The following TTC12 variants were observed in gnomAD, a reference collection of about 807,000 sequenced individuals.
The protein encoded by TTC12 is tetratricopeptide repeat domain 12.
TTC12 carries 70 observed loss-of-function variants against 90.1 expected under a neutral mutation model. That is an observed-to-expected ratio of 0.78 (90% confidence interval 0.64 to 0.95). The LOEUF (loss-of-function observed/expected upper bound fraction) is 0.95. Ranked by LOEUF, TTC12 falls within the 40% of genes least tolerant of loss-of-function variation. TTC12 has a pLI of 0.00. For synonymous variants in TTC12, 296 were observed against 311.5 expected, an observed-to-expected ratio of 0.95 and a Z score of 0.53; for missense variants, 819 against 846.1, an observed-to-expected ratio of 0.97 and a Z score of 0.40.
chr11:113,329,994 C>A lies in TTC12; in HGVS notation c.504+15C>A. 6.2e-7 allele frequency: 1 copy of A among 1,602,976 alleles called. No individual in the cohort carries two copies. The highest frequency in any genetic ancestry group is 1.1e-5 in the South Asian group (1 of 90,858). ...GGGCTCTCAAGGTAAGAGGGTATTTCTTTTCCCACATGATAGTGTTGGGCT... is the reference window on the plus strand; with the variant it reads ...GGGCTCTCAAGGTAAGAGGGTATTTATTTTCCCACATGATAGTGTTGGGCT... On this transcript the variant is annotated intron_variant, in intron 7 of 21. Transcript: ENST00000529221.
chr11:113,322,558 T>G (rs1252378995), intron 2 of TTC12, among the ~76,000 whole-genome samples: 1 of 152,182 alleles, frequency 6.6e-6, no homozygotes, highest in Non-Finnish European at 1.5e-5. Flanking sequence ...GATTGCAAAC[T>G]GTTAAAAGTC....
intron 8 of TTC12, among the ~76,000 whole-genome samples, chr11:113,338,391 A>T (rs1282583751): frequency 2.0e-5 from 3 of 152,046 alleles, no homozygotes; most frequent in African/African-American, 7.2e-5. Flanking sequence ...CTCTAGCTTC[A>T]TTTATTTCCT....
intron 6 of TTC12, 25 bp downstream of exon 6, chr11:113,325,670 T>C (rs565727071): frequency 6.2e-7 from 1 of 1,610,734 alleles, no homozygotes; most frequent in Admixed American, 1.7e-5. Flanking sequence ...GATGTATCCA[T>C]GGGGCTTTCT....
At chr11:113,359,263 G>C in intron 16 of TTC12, 100 bp from the exon 17 acceptor site, 1 of 715,720 alleles carries the variant, frequency 1.4e-6, no homozygotes, top group Non-Finnish European at 2.5e-6. Context: ...TGGCAATTTA[G>C]GGAGTGTGGG....
intron 10 of TTC12, 65 bp from the exon 11 acceptor site, chr11:113,340,599 G>A: frequency 8.2e-7 from 1 of 1,218,204 alleles, no homozygotes; most frequent in Non-Finnish European, 1.2e-6. Flanking sequence ...AGGTGGCTGT[G>A]TTGCAGCGAG....
rs925197617 is a variant in TTC12, at chr11:113,371,391, G to A, written c.*121-1733G>A. 5 of 152,142 alleles carry A rather than the reference G, an allele frequency of 3.3e-5. No individual in the cohort carries two copies. The East Asian group carries it at 9.6e-4, about 29-fold the overall frequency. The allele number at this position is 152,142 out of a possible 1,614,324, so 9.4% of individuals were successfully genotyped here. Reference sequence around the variant, plus strand: ...ATTTGTATTATTTTTTATTGTTGGAGTGTTATTTTTATTGTTTTTTCCCCA... The same window carrying A: ...ATTTGTATTATTTTTTATTGTTGGAATGTTATTTTTATTGTTTTTTCCCCA... On this transcript the variant is annotated intron_variant, in intron 21 of 21. Transcript: ENST00000314756.
chr11:113,329,985 A>T lies in TTC12; in HGVS notation c.504+6A>T, dbSNP rs1565582817. ...ATTGTGAGTGGGCTCTCAAGGTAAG[A>T]GGGTATTTCTTTTCCCACATGATAG... is the stretch of plus-strand genomic sequence containing the variant. On this transcript the variant is annotated splice_donor_region_variant and intron_variant, in intron 7 of 21. Transcript: ENST00000529221. 1.2e-6 allele frequency: 2 copies of T among 1,611,234 alleles called. No individual in the cohort carries two copies. Among genetic ancestry groups the T allele is most frequent in the Non-Finnish European group, 1.7e-6 (2 of 1,177,348 alleles).
downstream of TTC12, chr11:113,368,647 A>G: frequency 1.3e-6 from 1 of 742,322 alleles, no homozygotes; most frequent in Admixed American, 2.2e-5. Context: ...GTGCGCCGCA[A>G]GGTGGGACTG....
intron 2 of TTC12, among the ~76,000 whole-genome samples, chr11:113,321,418 A>T (rs1947330201): frequency 6.6e-6 from 1 of 152,232 alleles, no homozygotes; most frequent in East Asian, 1.9e-4. Flanking sequence ...CCACCTGGCT[A>T]TCAATAAGAG....
At chr11:113,368,762 T>A (rs1269453081), downstream of TTC12, 3 of 509,130 alleles carry the variant, frequency 5.9e-6, no homozygotes, top group African/African-American at 5.7e-5. Context: ...AATAAGAGCT[T>A]CTTGGCTTGG....
rs142186473 is a variant in TTC12 at position 113,324,603 on chromosome 11, A to G, written c.245-2A>G. 260 of 1,613,130 alleles carry G rather than the reference A, an allele frequency of 1.6e-4. No homozygotes were observed. Among genetic ancestry groups the G allele is most frequent in the Non-Finnish European group, 2.1e-4 (249 of 1,179,606 alleles). On this transcript the variant is annotated splice_acceptor_variant, in intron 4 of 21. Coordinates refer to ENST00000529221, the MANE Select transcript of TTC12 (RefSeq NM_017868.4). LOFTEE classifies it high-confidence loss of function. ...TAATATCTGAAATTACCCTGCTGTC[A>G]GAGGCCTTCTTGGCATCTGTGGAGA...
At chr11:113,337,421 T>C (rs191849016) in intron 8 of TTC12, among the ~76,000 whole-genome samples, 226 of 152,280 alleles carry the variant, frequency 1.5e-3, no homozygotes, top group African/African-American at 5.2e-3. Context: ...TGGTTTTATA[T>C]AGAGGGGTAA....
chr11:113,366,209 G>T lies in TTC12; in HGVS notation c.2043-16G>T. ...GTGGCACTTATGCCCTGGGTTGTTT[G>T]TTTTGATTGTGACAGATTTGCTGCT... is the stretch of plus-strand genomic sequence containing the variant. On this transcript the variant is annotated splice_polypyrimidine_tract_variant and intron_variant, in intron 21 of 21. Coordinates refer to ENST00000529221, the MANE Select transcript of TTC12 (RefSeq NM_017868.4). The T allele has an allele frequency of 6.2e-7, 1 of 1,611,988 alleles. No homozygotes were observed.
At chr11:113,362,576 G>A in intron 19 of TTC12, 74 bp downstream of exon 19, 1 of 1,064,656 alleles carries the variant, frequency 9.4e-7, no homozygotes, top group Non-Finnish European at 1.4e-6. Flanking sequence ...ACAGAATTAA[G>A]GTGGGCTTTG....
chr11:113,318,245 C>T (rs1555136649), intron 2 of TTC12, among the ~76,000 whole-genome samples: 1 of 152,206 alleles, frequency 6.6e-6, no homozygotes, highest in African/African-American at 2.4e-5. Flanking sequence ...CAGAGAATTA[C>T]AAAGTGTAGG....
intron 11 of TTC12, 76 bp downstream of exon 11, chr11:113,340,809 C>A: frequency 7.9e-7 from 1 of 1,259,240 alleles, no homozygotes; most frequent in Non-Finnish European, 1.2e-6. Context: ...AGACACGAGG[C>A]ACATAGACAG....
intron 13 of TTC12, among the ~76,000 whole-genome samples, chr11:113,346,036 C>T (rs973262277): frequency 1.3e-5 from 2 of 152,110 alleles, no homozygotes; most frequent in Non-Finnish European, 2.9e-5. Flanking sequence ...TGTGATGAAA[C>T]GAGGCAGTTT....
chr11:113,357,803 C>T (rs969497384), intron 16 of TTC12, among the ~76,000 whole-genome samples: 1 of 152,218 alleles, frequency 6.6e-6, no homozygotes, highest in Admixed American at 6.5e-5. Flanking sequence ...ATACACTTTA[C>T]TGGGGGAGCC....
In TTC12 at chr11:113,362,499, G is replaced by T. The variant is rs144336451; in HGVS notation, c.1713G>T (p.Leu571=). The T allele has an allele frequency of 2.9e-5, 46 of 1,602,250 alleles. No homozygotes were observed. The African/African-American group carries it at 5.3e-4, about 19-fold the overall frequency. Residue 571 remains leucine (L), a synonymous_variant, in exon 19 of 22, where the codon CTG becomes CTT. Coordinates refer to ENST00000529221, the MANE Select transcript of TTC12 (RefSeq NM_017868.4). ...AGVVKKMMKF[L]KTGGETASRY... is the part of the protein sequence containing the mutation. ...TGGTAAAGAAAATGATGAAATTCCT[G>T]AAGGTAAGATCACTTTATTGGTTAC...
Sources: gnomAD v4.1 joint callset for allele counts (sites outside exome capture counted in the v4.1 genomes callset) on GRCh38, gnomAD v4.1.1 for gene constraint, MANE v1.5 for transcripts, NCBI Gene and HGNC (gene_info 2026-07-23, HGNC 2026-07-21) for gene names.